The following ARHGAP26 variants were observed in gnomAD, a reference collection of about 807,000 sequenced individuals.
The protein encoded by ARHGAP26 is Rho GTPase activating protein 26.
A neutral mutation model predicts 104.8 loss-of-function variants in ARHGAP26; 38 were observed. The ratio of observed to expected loss-of-function variants is 0.36; its 90% confidence interval spans 0.28 to 0.48. The LOEUF (loss-of-function observed/expected upper bound fraction) is 0.48, where lower values mean the gene tolerates loss of function less well. ARHGAP26 is among the 20% of genes least tolerant of loss of function. ARHGAP26 has a pLI of 0.99. For missense variants in ARHGAP26, 704 were observed against 947.9 expected, an observed-to-expected ratio of 0.74 and a Z score of 3.38; for synonymous variants, 341 against 340.0, an observed-to-expected ratio of 1.00 and a Z score of -0.03.
intron 1 of ARHGAP26, among the ~76,000 whole-genome samples, chr5:142,838,219 C>T (rs1317672496): frequency 6.6e-6 from 1 of 151,690 alleles, no homozygotes; most frequent in Non-Finnish European, 1.5e-5. Context: ...GATCCCACCA[C>T]TGCACTCCAG....
At chr5:142,920,534 AG>A (rs953556437) in intron 10 of ARHGAP26, among the ~76,000 whole-genome samples, 17 of 152,148 alleles carry the variant, frequency 1.1e-4, no homozygotes, top group Non-Finnish European at 2.1e-4. Context: ...AAGTCTCTTG[AG>A]GGGCAGTGTT....
chr5:143,102,245 C>T (rs74735889), intron 17 of ARHGAP26, among the ~76,000 whole-genome samples: 2,052 of 152,286 alleles, frequency 0.013, 44 homozygotes, highest in East Asian at 0.086. Flanking sequence ...CTCTTCACTT[C>T]CTGCCTTCCA....
rs1755324276 is a variant in ARHGAP26 at position 142,871,656 on chromosome 5, C to A, written c.155-1744C>A. On this transcript the variant is annotated intron_variant, in intron 1 of 22. Coordinates refer to ENST00000645722, the MANE Select transcript of ARHGAP26 (RefSeq NM_001135608.3). This position sits in a 1 kb window ranked among gnomAD's most constrained non-coding sequence, Gnocchi z 4.1. ...CCTTTTTTCTTGTGTCTACCTGTAGCCTCCTCCTGCCTTCCTGCCCACGGT... is the reference window on the plus strand; with the variant it reads ...CCTTTTTTCTTGTGTCTACCTGTAGACTCCTCCTGCCTTCCTGCCCACGGT... Among the ~76,000 whole-genome samples the A allele has an allele frequency of 6.6e-6, 1 of 152,208 alleles. No individual in the cohort carries two copies. The highest frequency in any genetic ancestry group is 2.1e-4 in the South Asian group (1 of 4,834).
At chr5:143,036,003 C>T (rs1203849649) in intron 12 of ARHGAP26, among the ~76,000 whole-genome samples, 2 of 148,568 alleles carry the variant, frequency 1.3e-5, no homozygotes, top group Non-Finnish European at 3.0e-5. Context: ...TCTCCAATAA[C>T]CTATGGAAAT....
chr5:142,849,605 A>G (rs959147303), intron 1 of ARHGAP26, among the ~76,000 whole-genome samples: 9 of 151,860 alleles, frequency 5.9e-5, no homozygotes, highest in Admixed American at 1.3e-4. Flanking sequence ...CTCCTCCCCA[A>G]CCAGAAGGTC....
At position 142,890,146 on chromosome 5, in the gene ARHGAP26, AAAAAAATATATATATATAT is replaced by A. The variant is rs1409513158; in HGVS notation, c.487-4090_487-4072del. On this transcript the variant is annotated intron_variant, in intron 5 of 22. Transcript: ENST00000645722. ...AGCGAAACTCCGTCTTAAAAAAAAA[AAAAAAATATATATATATAT>A]ATATATATATATATATATATATATA... is the stretch of plus-strand genomic sequence containing the variant. Among the ~76,000 whole-genome samples, 338 of 89,210 alleles carry A rather than the reference AAAAAAATATATATATATAT, an allele frequency of 3.8e-3. 8 individuals carry two copies. The highest frequency in any genetic ancestry group is 0.014 in the African/African-American group (300 of 22,030). The allele number at this position is 89,210 out of a possible 152,430, so 58.5% of individuals were successfully genotyped here.
intron 10 of ARHGAP26, among the ~76,000 whole-genome samples, chr5:142,917,370 G>T (rs1762623533): frequency 6.6e-6 from 1 of 152,156 alleles, no homozygotes; most frequent in Non-Finnish European, 1.5e-5. Flanking sequence ...ACATTTTCCA[G>T]TGATGAGCTC....
chr5:142,772,579 C>T, intron 1 of ARHGAP26: 1 of 371,074 alleles, frequency 2.7e-6, no homozygotes, highest in Non-Finnish European at 5.3e-6. Context: ...TACTTCATTC[C>T]AGGCACTGCT....
At chr5:143,016,994 GT>G (rs1411272895) in intron 12 of ARHGAP26, among the ~76,000 whole-genome samples, 1 of 152,102 alleles carries the variant, frequency 6.6e-6, no homozygotes, top group Admixed American at 6.5e-5. Flanking sequence ...GGTCTTGATT[GT>G]TCTGCAACAC....
At chr5:142,923,343 G>A (rs575487168) in intron 10 of ARHGAP26, among the ~76,000 whole-genome samples, 32 of 151,994 alleles carry the variant, frequency 2.1e-4, no homozygotes, top group Non-Finnish European at 3.8e-4. Context: ...TGTAATTCTG[G>A]ATAGAAGAAA....
At chr5:142,864,175 G>A (rs1753848788) in intron 1 of ARHGAP26, among the ~76,000 whole-genome samples, 1 of 152,028 alleles carries the variant, frequency 6.6e-6, no homozygotes, top group Admixed American at 6.6e-5. Context: ...TCCACCTTCT[G>A]AGGAAGCCCA....
intron 1 of ARHGAP26, among the ~76,000 whole-genome samples, chr5:142,815,624 G>T (rs1764960045): frequency 6.6e-6 from 1 of 152,120 alleles, no homozygotes; most frequent in South Asian, 2.1e-4. Flanking sequence ...TGCTTCCTTT[G>T]CAGTCTCCAA....
chr5:143,090,059 C>G lies in ARHGAP26; in HGVS notation c.1539-30929C>G, dbSNP rs150194144. 2.2e-3 allele frequency among the ~76,000 whole-genome samples: 328 copies of G among 152,370 alleles called. 4 individuals carry two copies. The highest frequency in any genetic ancestry group is 7.7e-3 in the African/African-American group (319 of 41,574). On this transcript the variant is annotated intron_variant, in intron 17 of 22. Coordinates refer to ENST00000645722, the MANE Select transcript of ARHGAP26 (RefSeq NM_001135608.3). ...GAGCTCTTGAAAATTCTTAAGCTCA[C>G]TGCATCCTTTCAGGTCTCCAAGGAA...
chr5:142,904,254 G>A (rs569537719), intron 8 of ARHGAP26, among the ~76,000 whole-genome samples: 58 of 152,132 alleles, frequency 3.8e-4, no homozygotes, highest in Middle Eastern at 3.4e-3. Context: ...ACTTTTGGAG[G>A]CTGAGGTCGG....
chr5:142,842,479 C>T (rs766219576), intron 1 of ARHGAP26, among the ~76,000 whole-genome samples: 1 of 152,194 alleles, frequency 6.6e-6, no homozygotes, highest in Non-Finnish European at 1.5e-5. Context: ...CTGGTTAGTG[C>T]AGTTTATTCT....
intron 15 of ARHGAP26, 29 bp from the exon 16 acceptor site, chr5:143,055,999 G>GCC: frequency 6.4e-7 from 1 of 1,559,078 alleles, no homozygotes; most frequent in Non-Finnish European, 8.8e-7. Context: ...TTATTATTAA[G>GCC]CTGACTAGCC....
intron 17 of ARHGAP26, chr5:143,058,304 T>G (rs554519042): frequency 4.1e-6 from 1 of 242,944 alleles, no homozygotes; most frequent in African/African-American, 2.3e-5. Context: ...GTTACATGCA[T>G]TAAAGCCTTT....
intron 11 of ARHGAP26, among the ~76,000 whole-genome samples, chr5:142,941,074 CAAAAAAAAAAA>C (rs1162903888): frequency 3.7e-5 from 1 of 27,244 alleles, no homozygotes; most frequent in Non-Finnish European, 6.4e-5. Context: ...GACTCCATCT[CAAAAAAAAAAA>C]AAAAAAAAAA....
chr5:143,121,719 T>A (rs1599110684), intron 18 of ARHGAP26, among the ~76,000 whole-genome samples: 1 of 152,176 alleles, frequency 6.6e-6, no homozygotes, highest in East Asian at 1.9e-4. Flanking sequence ...AGTCTTTCTT[T>A]CGAAGGTTTT....
Sources: allele counts gnomAD v4.1 joint callset (sites outside exome capture counted in the v4.1 genomes callset), GRCh38; gene constraint gnomAD v4.1.1; non-coding constraint Gnocchi (gnomAD v3.1); transcripts MANE v1.5; gene names NCBI Gene and HGNC (gene_info 2026-07-23, HGNC 2026-07-21).